SACM1L: variants seen among roughly 807,000 people sequenced by gnomAD.
SACM1L encodes SAC1 like phosphatidylinositide phosphatase.
A neutral mutation model predicts 89.5 loss-of-function variants in SACM1L; 32 were observed. The observed-to-expected ratio is 0.36, with a 90% CI of 0.27 to 0.48. The LOEUF (loss-of-function observed/expected upper bound fraction) is 0.48. SACM1L is among the 20% of genes least tolerant of loss of function. SACM1L has a pLI of 0.99. For missense variants in SACM1L, 543 were observed against 708.5 expected, an observed-to-expected ratio of 0.77 and a Z score of 2.65; for synonymous variants, 213 against 232.8, an observed-to-expected ratio of 0.92 and a Z score of 0.77.
chr3:45,733,880 ATAGT>A (rs988751558), intron 13 of SACM1L, among the ~76,000 whole-genome samples: 1 of 152,182 alleles, frequency 6.6e-6, no homozygotes, highest in Non-Finnish European at 1.5e-5. Flanking sequence ...TAGCAAACAG[ATAGT>A]TTGCTTCCTG....
At chr3:45,713,648 G>A (rs190566536) in intron 6 of SACM1L, 96 of 163,458 alleles carry the variant, frequency 5.9e-4, no homozygotes, top group East Asian at 4.3e-3. Flanking sequence ...AGGGAAACAT[G>A]ATATATTATT....
Position 45,737,591 on chromosome 3 carries a change from AGTTTTGCAT to A in SACM1L, c.1251_1259del (p.Leu418_Val420del). 1 of 1,595,272 alleles carries A rather than the reference AGTTTTGCAT, an allele frequency of 6.3e-7. No homozygotes were observed. The highest frequency in any genetic ancestry group is 1.9e-5 in the Admixed American group (1 of 53,228). ...GTGGTTTTTTATTCCAGAGACTAGG[AGTTTTGCAT>A]GTGGGACAAAAGCTTGAAGAACAAG... is the stretch of plus-strand genomic sequence containing the variant. On this transcript the variant is annotated inframe_deletion, in exon 15 of 20. Transcript: ENST00000389061.
At position 45,735,157 on chromosome 3, in the gene SACM1L, G is replaced by C. The variant is rs572381037; in HGVS notation, c.1101-78G>C. The C allele has an allele frequency of 2.2e-4, 286 of 1,294,594 alleles. 2 individuals are homozygous for C. In the South Asian group the frequency reaches 4.0e-3, roughly 18 times the overall value. 80.2% of individuals were successfully genotyped at this position (1,294,594 alleles called of 1,614,324 possible). ...GTTTTTAATAATGTCACTGAAATGA[G>C]ACCCATGTTATAAGAGTTAAGTCCT... On this transcript the variant is annotated intron_variant, in intron 13 of 19. Transcript: ENST00000389061.
intron 6 of SACM1L, 89 bp downstream of exon 6, chr3:45,713,285 A>G: frequency 2.0e-6 from 2 of 981,792 alleles, no homozygotes; most frequent in South Asian, 2.9e-5. Context: ...AATCACCAAG[A>G]ATTTCGAGAA....
At chr3:45,705,090 T>G in intron 2 of SACM1L, 45 bp from the exon 3 acceptor site, 121 of 1,271,060 alleles carry the variant, frequency 9.5e-5, no homozygotes, top group Non-Finnish European at 1.3e-4. Flanking sequence ...TTTCTGTTGG[T>G]GAGCTTTTTG....
intron 11 of SACM1L, among the ~76,000 whole-genome samples, chr3:45,726,775 A>G (rs1331229541): frequency 6.6e-6 from 1 of 151,690 alleles, no homozygotes; most frequent in Non-Finnish European, 1.5e-5. Flanking sequence ...CTTGTTCCTT[A>G]AAGTGTAAAA....
At chr3:45,713,071 A>C in intron 5 of SACM1L, 66 bp from the exon 6 acceptor site, 1 of 1,300,286 alleles carries the variant, frequency 7.7e-7, no homozygotes, top group South Asian at 1.3e-5. Flanking sequence ...TGATTGGTGT[A>C]GTTTTCTTTC....
At chr3:45,743,498 G>A (rs748061193) in intron 19 of SACM1L, 35 bp from the exon 20 acceptor site, 4 of 1,584,008 alleles carry the variant, frequency 2.5e-6, no homozygotes, top group East Asian at 2.2e-5. Flanking sequence ...ATCAACAAAC[G>A]ACTTATTTAG....
chr3:45,694,207 G>A (rs1457330535), intron 1 of SACM1L, among the ~76,000 whole-genome samples: 2 of 151,854 alleles, frequency 1.3e-5, no homozygotes, highest in African/African-American at 4.8e-5. Context: ...AAGGTCAGTT[G>A]AAACTAGGTG....
intron 7 of SACM1L, among the ~76,000 whole-genome samples, chr3:45,716,125 C>T (rs1411233468): frequency 6.6e-6 from 1 of 152,110 alleles, no homozygotes; most frequent in Non-Finnish European, 1.5e-5. Context: ...AGAATTAGCT[C>T]AGCCCAGATG....
chr3:45,709,234 TA>T (rs571799843), intron 4 of SACM1L, among the ~76,000 whole-genome samples: 62 of 152,272 alleles, frequency 4.1e-4, no homozygotes, highest in African/African-American at 1.4e-3. Flanking sequence ...CCTTTGAGAA[TA>T]AAATTTGTAA....
At chr3:45,696,756 A>G (rs960052311) in intron 1 of SACM1L, among the ~76,000 whole-genome samples, 5 of 152,130 alleles carry the variant, frequency 3.3e-5, no homozygotes, top group Admixed American at 2.6e-4. Flanking sequence ...ACAGGATTTT[A>G]AAGAGATCAG....
At position 45,731,385 on chromosome 3, in the gene SACM1L, C is replaced by T; in HGVS notation, c.1001+5C>T. 1 of 1,601,862 alleles carries T rather than the reference C, an allele frequency of 6.2e-7. No individual in the cohort carries two copies. Among genetic ancestry groups the T allele is most frequent in the Non-Finnish European group, 8.5e-7 (1 of 1,169,648 alleles). On this transcript the variant is annotated splice_donor_5th_base_variant and intron_variant, in intron 12 of 19. Coordinates refer to ENST00000389061, the MANE Select transcript of SACM1L (RefSeq NM_014016.5). ...CTTGGGAAGTGGAATGATGAGGTAC[C>T]TCACTAGAAATCTGTTGCAGGTCTT...
At chr3:45,716,142 G>A (rs1456388572) in intron 7 of SACM1L, among the ~76,000 whole-genome samples, 1 of 152,132 alleles carries the variant, frequency 6.6e-6, no homozygotes, top group African/African-American at 2.4e-5. Flanking sequence ...GATGACTCAG[G>A]GCCTTATAAG....
At position 45,743,576 on chromosome 3, in the gene SACM1L, A is replaced by C; in HGVS notation, c.1671A>C (p.Gly557=). The change falls in exon 20 of 20, where the codon GGA becomes GGC. Residue 557 remains glycine (G), a synonymous_variant. Transcript: ENST00000389061. ...TETLAYVLFW[G]VASIGTFFII... ...CACTGGCCTATGTGCTCTTCTGGGG[A>C]GTTGCAAGCATTGGAACATTTTTTA... 6.2e-7 allele frequency: 1 copy of C among 1,614,138 alleles called. No homozygotes were observed. The highest frequency in any genetic ancestry group is 8.5e-7 in the Non-Finnish European group (1 of 1,179,972).
intron 5 of SACM1L, among the ~76,000 whole-genome samples, chr3:45,711,925 C>G (rs1316644962): frequency 6.6e-6 from 1 of 152,210 alleles, no homozygotes; most frequent in Non-Finnish European, 1.5e-5. Flanking sequence ...ACTCCAAATT[C>G]AACAGCAGTT....
intron 15 of SACM1L, 34 bp from the exon 16 acceptor site, chr3:45,737,738 A>G: frequency 6.3e-7 from 1 of 1,597,094 alleles, no homozygotes. Context: ...TTGTCATCTT[A>G]ATAATTATCA....
intron 11 of SACM1L, among the ~76,000 whole-genome samples, chr3:45,725,299 A>G (rs1433286291): frequency 3.0e-5 from 3 of 98,746 alleles, no homozygotes; most frequent in African/African-American, 1.2e-4. Flanking sequence ...CGTCTTAATA[A>G]TATTGTTAGT....
rs71095051 is a variant in SACM1L at position 45,725,306 on chromosome 3, T to TTGTA, written c.921+1763_921+1764insTGTA. ...AGTACTGTCGTCTTAATAATATTGT[T>TTGTA]AGTCCATCAACTCAGATGTCTTTTT... On this transcript the variant is annotated intron_variant, in intron 11 of 19. Coordinates refer to ENST00000389061, the MANE Select transcript of SACM1L (RefSeq NM_014016.5). Among the ~76,000 whole-genome samples the TTGTA allele has an allele frequency of 2.6e-5, 4 of 151,574 alleles. No individual in the cohort carries two copies. In the South Asian group the frequency reaches 8.3e-4, roughly 31 times the overall value.
Sources: gnomAD v4.1 joint callset for allele counts (sites outside exome capture counted in the v4.1 genomes callset) on GRCh38, gnomAD v4.1.1 for gene constraint, MANE v1.5 for transcripts, NCBI Gene and HGNC (gene_info 2026-07-23, HGNC 2026-07-21) for gene names.